The following PGAP1 variants were observed in gnomAD, a reference collection of about 807,000 sequenced individuals.
The protein encoded by PGAP1 is GPI inositol-deacylase.
Under a neutral mutation model 127.0 loss-of-function variants are expected in PGAP1, and 76 were observed. That is an observed-to-expected ratio of 0.60 (90% CI 0.50 to 0.72). The LOEUF (loss-of-function observed/expected upper bound fraction) is 0.72. Among genes scored for constraint, PGAP1 ranks in the 30% least tolerant of loss-of-function variants. The pLI, the probability that PGAP1 is intolerant of heterozygous loss-of-function variation, is 0.00. For missense variants in PGAP1, 982 were observed against 1,071.3 expected (o/e 0.92, Z 1.16); for synonymous variants, 362 against 366.5 (o/e 0.99, Z 0.14).
rs750489381 is a variant in PGAP1 at position 196,844,041 on chromosome 2, G to T, written c.2372C>A (p.Ser791Tyr). The T allele has an allele frequency of 6.3e-7, 1 of 1,595,276 alleles. No homozygotes were observed. Among genetic ancestry groups the T allele is most frequent in the African/African-American group, 1.3e-5 (1 of 74,526 alleles). Reference protein sequence around the residue: ...PKHSRRSEKKSNHHKDSSIHH... With the variant: ...PKHSRRSEKKYNHHKDSSIHH... ...TATTGAGGAGTCTTTATGATGATTG[G>T]ATTTCTTTTCACTTCTTCTAGAGTG... Residue 791 changes from serine to tyrosine, a missense_variant, in exon 25 of 27, where the codon TCC becomes TAC. Coordinates refer to ENST00000354764, the MANE Select transcript of PGAP1 (RefSeq NM_024989.4).
At chr2:196,865,765 G>A (rs1701219900) in intron 19 of PGAP1, among the ~76,000 whole-genome samples, 1 of 150,494 alleles carries the variant, frequency 6.6e-6, no homozygotes, top group South Asian at 2.1e-4. Context: ...TATAGTGCAA[G>A]TCATTCTATC....
intron 7 of PGAP1, among the ~76,000 whole-genome samples, chr2:196,894,337 G>A (rs574633275): frequency 6.6e-6 from 1 of 152,272 alleles, no homozygotes; most frequent in South Asian, 2.1e-4. Context: ...TATGATGCAT[G>A]AAATAGAATA....
Position 196,872,949 on chromosome 2 carries a change from C to A in PGAP1, c.1619+11G>T. On this transcript the variant is annotated intron_variant, in intron 17 of 26. Transcript: ENST00000354764. Reference sequence around the variant, plus strand: ...CACCAAAGTTTAAAGTAAATTCTTTCAAATACTTACTGTGCAATGGTTAGT... The same window carrying A: ...CACCAAAGTTTAAAGTAAATTCTTTAAAATACTTACTGTGCAATGGTTAGT... 1 of 909,642 alleles carries A rather than the reference C, an allele frequency of 1.1e-6. No homozygotes were observed. The highest frequency in any genetic ancestry group is 1.5e-5 in the South Asian group (1 of 64,876). 56.3% of individuals were successfully genotyped at this position (909,642 alleles called of 1,614,324 possible). A position where few individuals can be genotyped will look rare whatever the true frequency, so the allele number is the denominator to read the frequency against.
At chr2:196,858,901 T>A (rs1004986964) in intron 20 of PGAP1, among the ~76,000 whole-genome samples, 1 of 151,794 alleles carries the variant, frequency 6.6e-6, no homozygotes, top group South Asian at 2.1e-4. Flanking sequence ...ATAGAAAGGA[T>A]CATTAGAGAA....
chr2:196,854,773 CTCTT>C (rs1175128889), intron 20 of PGAP1, among the ~76,000 whole-genome samples: 3 of 151,990 alleles, frequency 2.0e-5, no homozygotes, highest in Non-Finnish European at 4.4e-5. Context: ...TTAACAAGAA[CTCTT>C]TCTTTTTTTT....
rs1700270035 is a variant in PGAP1, at chr2:196,837,477, AAGTCAGGCACAGTGGCAT to A, written c.*3739_*3756del. 1.3e-5 allele frequency: 2 copies of A among 152,106 alleles called. No homozygotes were observed. Among genetic ancestry groups the A allele is most frequent in the African/African-American group, 4.8e-5 (2 of 41,386 alleles). 9.4% of individuals were successfully genotyped at this position (152,106 alleles called of 1,614,324 possible). ...ACCTCGTCTCTACAAAAAAATTAAA[AAGTCAGGCACAGTGGCAT>A]GTACCTGTAGTCTCACCTGCTGTGG... On this transcript the variant is annotated 3_prime_UTR_variant, in exon 27 of 27. Transcript: ENST00000354764.
intron 20 of PGAP1, among the ~76,000 whole-genome samples, chr2:196,859,604 CA>C (rs925279821): frequency 1.3e-5 from 2 of 151,898 alleles, no homozygotes; most frequent in Non-Finnish European, 2.9e-5. Context: ...AACATAAAGG[CA>C]AAAATCCTCT....
At chr2:196,898,487 G>A in intron 5 of PGAP1, 118 bp from the exon 6 acceptor site, 1 of 595,060 alleles carries the variant, frequency 1.7e-6, no homozygotes, top group Non-Finnish European at 3.0e-6. Flanking sequence ...ATATTGTGAG[G>A]CCTAGACATT....
At chr2:196,893,668 A>G (rs1026361325) in intron 7 of PGAP1, among the ~76,000 whole-genome samples, 7 of 152,224 alleles carry the variant, frequency 4.6e-5, no homozygotes, top group Non-Finnish European at 1.0e-4. Flanking sequence ...ACTGATTTCC[A>G]AATTCAGACT....
At chr2:196,867,865 G>A (rs1375890332) in intron 19 of PGAP1, among the ~76,000 whole-genome samples, 7 of 152,078 alleles carry the variant, frequency 4.6e-5, no homozygotes, top group Admixed American at 3.9e-4. Context: ...ATCAGAAAAC[G>A]TACAGCCCAT....
intron 22 of PGAP1, among the ~76,000 whole-genome samples, chr2:196,846,242 G>C (rs1210946724): frequency 6.6e-6 from 1 of 152,018 alleles, no homozygotes; most frequent in East Asian, 1.9e-4. Context: ...TAATACTATA[G>C]CTGATACTTG....
intron 9 of PGAP1, among the ~76,000 whole-genome samples, chr2:196,891,516 G>C (rs1171599148): frequency 6.6e-6 from 1 of 152,060 alleles, no homozygotes; most frequent in Non-Finnish European, 1.5e-5. Context: ...ATATTTAAAT[G>C]CATGAGTGCA....
chr2:196,879,644 A>G (rs1417647474), intron 13 of PGAP1, among the ~76,000 whole-genome samples: 1 of 152,100 alleles, frequency 6.6e-6, no homozygotes, highest in Non-Finnish European at 1.5e-5. Context: ...GTAGTGAGCC[A>G]AGGTTGCGCC....
intron 18 of PGAP1, among the ~76,000 whole-genome samples, chr2:196,871,884 G>A (rs140723009): frequency 3.4e-4 from 52 of 152,226 alleles, no homozygotes; most frequent in African/African-American, 1.0e-3. Context: ...CTGGAATCTA[G>A]GGGCTCTTCA....
chr2:196,920,368 A>C (rs989640600), intron 1 of PGAP1, among the ~76,000 whole-genome samples: 5 of 152,152 alleles, frequency 3.3e-5, no homozygotes, highest in Non-Finnish European at 7.4e-5. Context: ...TGTAGTCTTT[A>C]GGAAAACATA....
intron 25 of PGAP1, 25 bp downstream of exon 25, chr2:196,843,863 C>G: frequency 7.2e-7 from 1 of 1,392,022 alleles, no homozygotes; most frequent in Non-Finnish European, 9.6e-7. Context: ...ACCACATAAA[C>G]AATAATTATA....
intron 12 of PGAP1, among the ~76,000 whole-genome samples, chr2:196,883,065 G>A (rs1041352049): frequency 1.3e-5 from 2 of 152,136 alleles, no homozygotes; most frequent in African/African-American, 4.8e-5. Context: ...TAACATGAAT[G>A]GGTGTTGAAT....
At chr2:196,912,798 A>T (rs1702874218) in intron 4 of PGAP1, 84 bp downstream of exon 4, 2 of 1,272,756 alleles carry the variant, frequency 1.6e-6, no homozygotes, top group South Asian at 1.8e-5. Context: ...TCTGTAGCAT[A>T]CTCCTAGGGG....
At chr2:196,862,211 CTA>C (rs1427168980) in intron 20 of PGAP1, among the ~76,000 whole-genome samples, 1 of 152,062 alleles carries the variant, frequency 6.6e-6, no homozygotes, top group Non-Finnish European at 1.5e-5. Context: ...GAGGGTAGGT[CTA>C]TAGACGGGCT....
Sources: allele counts gnomAD v4.1 joint callset (sites outside exome capture counted in the v4.1 genomes callset), GRCh38; gene constraint gnomAD v4.1.1; transcripts MANE v1.5; gene names NCBI Gene and HGNC (gene_info 2026-07-23, HGNC 2026-07-21).